NXN: variants seen among roughly 807,000 people sequenced by gnomAD.
NXN encodes nucleoredoxin 1.
In NXN, 16 loss-of-function variants were observed where a neutral mutation model predicts 48.6. The ratio of observed to expected loss-of-function variants is 0.33; its 90% CI spans 0.22 to 0.50. The LOEUF is 0.50. Among genes scored for constraint, NXN ranks in the 20% least tolerant of loss-of-function variants. The pLI is 0.98. For synonymous variants in NXN, 281 were observed against 269.6 expected (o/e 1.04, Z -0.41); for missense variants, 492 against 605.5 (o/e 0.81, Z 1.97).
In NXN at chr17:800,453, C is replaced by T. The variant is rs542927; in HGVS notation, c.*496G>A. Reference sequence around the variant, plus strand: ...AGAGTGGGCTGCTTTTCTCTCAGACCGAGGAAGACTGTGTTGCTTAGAAAA... The same window carrying T: ...AGAGTGGGCTGCTTTTCTCTCAGACTGAGGAAGACTGTGTTGCTTAGAAAA... On this transcript the variant is annotated 3_prime_UTR_variant, in exon 8 of 8. Coordinates refer to ENST00000336868, the MANE Select transcript of NXN (RefSeq NM_022463.5). 56,073 of 152,508 alleles carry T rather than the reference C, an allele frequency of 0.37. 10,592 individuals carry two copies. The highest frequency in any genetic ancestry group is 0.43 in the Admixed American group (6,508 of 15,300). 9.4% of individuals were successfully genotyped at this position (152,508 alleles called of 1,614,324 possible). A position where few individuals can be genotyped will look rare whatever the true frequency, so the allele number is the denominator to read the frequency against.
chr17:889,761 A>AAGAAAGAAAGAG (rs1555619043), intron 1 of NXN, among the ~76,000 whole-genome samples: 2 of 70,780 alleles, frequency 2.8e-5, no homozygotes, highest in East Asian at 6.9e-4. Context: ...GAAAGAAAGA[A>AAGAAAGAAAGAG]AAAGAAAGAA....
chr17:862,683 A>G (rs2068052983), intron 1 of NXN, among the ~76,000 whole-genome samples: 1 of 152,266 alleles, frequency 6.6e-6, no homozygotes, highest in South Asian at 2.1e-4. Flanking sequence ...TTTACAAAGT[A>G]GAGTGATCTG....
intron 5 of NXN, among the ~76,000 whole-genome samples, chr17:809,194 G>A (rs1190174792): frequency 6.6e-6 from 1 of 152,186 alleles, no homozygotes; most frequent in African/African-American, 2.4e-5. Context: ...GCGTGCTTTT[G>A]CTTCCACCAT....
chr17:833,425 C>T (rs1291989334), intron 1 of NXN, among the ~76,000 whole-genome samples: 4 of 152,112 alleles, frequency 2.6e-5, no homozygotes, highest in Admixed American at 2.0e-4. Flanking sequence ...TTCACTTACG[C>T]AGCCCGGAAA....
chr17:817,647 C>A (rs182838672), intron 5 of NXN, among the ~76,000 whole-genome samples: 10 of 141,756 alleles, frequency 7.1e-5, no homozygotes, highest in African/African-American at 2.1e-4. Context: ...CCAGCCAGGG[C>A]GACAGAGCAA....
Position 839,200 on chromosome 17 carries a change from C to T in NXN, c.361-13122G>A, listed in dbSNP as rs187083287. Among the ~76,000 whole-genome samples, 7 of 152,152 alleles carry T rather than the reference C, an allele frequency of 4.6e-5. No individual in the cohort carries two copies. In the East Asian group the frequency reaches 9.7e-4, roughly 21 times the overall value. ...CTGGAATCCCAGCATTTTGGGAGGC[C>T]GAGGCGGGCGGATCACTTGAGGTCA... On this transcript the variant is annotated intron_variant, in intron 1 of 7. Coordinates refer to ENST00000336868, the MANE Select transcript of NXN (RefSeq NM_022463.5).
chr17:823,483 T>C, intron 3 of NXN, 149 bp downstream of exon 3: 1 of 745,176 alleles, frequency 1.3e-6, no homozygotes, highest in South Asian at 1.8e-5. Context: ...TCATAAGCAC[T>C]ATTCAACCAG....
chr17:887,263 C>T (rs1232065567), intron 1 of NXN, among the ~76,000 whole-genome samples: 1 of 152,080 alleles, frequency 6.6e-6, no homozygotes, highest in African/African-American at 2.4e-5. Flanking sequence ...GCTAGCTGAC[C>T]GGCCAGTCCT....
At chr17:805,933 C>T (rs1217853331) in intron 5 of NXN, among the ~76,000 whole-genome samples, 1 of 152,158 alleles carries the variant, frequency 6.6e-6, no homozygotes, top group Non-Finnish European at 1.5e-5. Context: ...AGAAGACCTT[C>T]CCCAGCTGCT....
chr17:890,551 T>G (rs1468618137), intron 1 of NXN, among the ~76,000 whole-genome samples: 2 of 61,988 alleles, frequency 3.2e-5, no homozygotes, highest in Non-Finnish European at 8.0e-5. Flanking sequence ...ATTTTTTGTA[T>G]TTTTTTTTTT....
chr17:885,260 A>C (rs1054778963), intron 1 of NXN, among the ~76,000 whole-genome samples: 4 of 152,224 alleles, frequency 2.6e-5, no homozygotes, highest in Admixed American at 1.3e-4. Flanking sequence ...TCAGAGGTTG[A>C]GACCAGCCTG....
chr17:959,466 C>T (rs1013296231), intron 1 of NXN: 5 of 174,618 alleles, frequency 2.9e-5, no homozygotes, highest in Non-Finnish European at 5.9e-5. Flanking sequence ...CCAGCCTCAC[C>T]GGCCCAATAA....
intron 5 of NXN, among the ~76,000 whole-genome samples, chr17:806,679 C>T (rs1033373929): frequency 2.0e-5 from 3 of 152,172 alleles, no homozygotes; most frequent in Non-Finnish European, 4.4e-5. Context: ...AGGATTCGGT[C>T]AGTAATTTGC....
At chr17:934,183 C>A (rs998847174) in intron 1 of NXN, among the ~76,000 whole-genome samples, 1 of 152,068 alleles carries the variant, frequency 6.6e-6, no homozygotes, top group Admixed American at 6.5e-5. Context: ...CGGTGGCTCA[C>A]GCCTGTAATC....
chr17:917,961 A>G lies in NXN; in HGVS notation c.360+61358T>C, dbSNP rs879769125. 2.0e-5 allele frequency among the ~76,000 whole-genome samples: 3 copies of G among 152,346 alleles called. No individual in the cohort carries two copies. The highest frequency in any genetic ancestry group is 2.0e-4 in the Admixed American group (3 of 15,296). The stretch of plus-strand genomic sequence containing the variant: ...ATAATAAAATGTTTACTGAGCTCGT[A>G]CTTTATGGAAGACACATGGCTCACG... On this transcript the variant is annotated intron_variant, in intron 1 of 7. Coordinates refer to ENST00000336868, the MANE Select transcript of NXN (RefSeq NM_022463.5). The surrounding 1 kb of genome is among the most constrained non-coding windows in gnomAD (Gnocchi z 4.5).
intron 1 of NXN, among the ~76,000 whole-genome samples, chr17:827,016 G>A (rs1013592413): frequency 3.9e-5 from 6 of 152,206 alleles, no homozygotes; most frequent in Admixed American, 6.5e-5. Flanking sequence ...GCAGGTGACT[G>A]GGTGCTCTCG....
At chr17:923,806 C>T (rs1246850940) in intron 1 of NXN, among the ~76,000 whole-genome samples, 1 of 151,720 alleles carries the variant, frequency 6.6e-6, no homozygotes, top group African/African-American at 2.4e-5. Context: ...ACAACCTCAT[C>T]GGGGGTCAGG....
intron 1 of NXN, among the ~76,000 whole-genome samples, chr17:871,752 T>C (rs981044458): frequency 1.3e-5 from 2 of 152,172 alleles, no homozygotes; most frequent in African/African-American, 4.8e-5. Context: ...GATGTTACAC[T>C]AGCTAATTGG....
At chr17:827,530 G>C (rs1172036874) in intron 1 of NXN, among the ~76,000 whole-genome samples, 1 of 152,238 alleles carries the variant, frequency 6.6e-6, no homozygotes, top group Non-Finnish European at 1.5e-5. Context: ...GGCTGAGGCA[G>C]GAGAATGGCG....
Sources: allele counts gnomAD v4.1 joint callset (sites outside exome capture counted in the v4.1 genomes callset), GRCh38; gene constraint gnomAD v4.1.1; non-coding constraint Gnocchi (gnomAD v3.1); transcripts MANE v1.5; gene names NCBI Gene and HGNC (gene_info 2026-07-23, HGNC 2026-07-21).